Variants in RASGEF1C observed in about 807,000 individuals in gnomAD.
RASGEF1C encodes RasGEF domain family member 1C.
RASGEF1C carries 27 observed loss-of-function variants against 58.1 expected under a neutral mutation model. The ratio of observed to expected loss-of-function variants is 0.46; its 90% CI spans 0.34 to 0.64. RASGEF1C has a LOEUF of 0.64. Ranked by LOEUF, RASGEF1C falls within the 30% of genes least tolerant of loss-of-function variation. The pLI is 0.01. For missense variants in RASGEF1C, 502 were observed against 605.1 expected (o/e 0.83, Z 1.79); for synonymous variants, 243 against 246.3 (o/e 0.99, Z 0.13).
chr5:180,153,700 G>A (rs2113294699), intron 1 of RASGEF1C, among the ~76,000 whole-genome samples: 1 of 152,316 alleles, frequency 6.6e-6, no homozygotes, highest in African/African-American at 2.4e-5. Flanking sequence ...CTTGGAGTTT[G>A]CAGAAGTCAA....
chr5:180,186,310 G>A (rs1038360401), intron 1 of RASGEF1C, among the ~76,000 whole-genome samples: 3 of 151,984 alleles, frequency 2.0e-5, no homozygotes, highest in African/African-American at 7.3e-5. Flanking sequence ...AACTATTAGA[G>A]CTAAAAAACA....
chr5:180,207,147 T>G (rs1200103379), intron 1 of RASGEF1C, among the ~76,000 whole-genome samples: 1 of 152,238 alleles, frequency 6.6e-6, no homozygotes, highest in African/African-American at 2.4e-5. Context: ...GCACTCTGCC[T>G]GCACACCCGT....
chr5:180,181,545 AG>A (rs1485083844), intron 1 of RASGEF1C, among the ~76,000 whole-genome samples: 2 of 152,220 alleles, frequency 1.3e-5, no homozygotes, highest in Non-Finnish European at 2.9e-5. Flanking sequence ...GTGGGCACAC[AG>A]GAAGAGCACC....
chr5:180,169,184 T>C (rs1767064928), intron 1 of RASGEF1C, among the ~76,000 whole-genome samples: 2 of 152,220 alleles, frequency 1.3e-5, no homozygotes, highest in South Asian at 4.2e-4. Context: ...TTACGGGAAG[T>C]GATACTGATG....
chr5:180,207,225 T>C (rs976383398), intron 1 of RASGEF1C, among the ~76,000 whole-genome samples: 5 of 152,346 alleles, frequency 3.3e-5, no homozygotes, highest in Non-Finnish European at 7.3e-5. Flanking sequence ...TCTGAAACTC[T>C]TTCGGGGTGC....
At chr5:180,152,567 G>T (rs542034789) in intron 1 of RASGEF1C, among the ~76,000 whole-genome samples, 19 of 109,126 alleles carry the variant, frequency 1.7e-4, no homozygotes, top group Admixed American at 9.3e-4. Context: ...CTGTTGTGGG[G>T]TGGGGGGAGG....
chr5:180,172,572 C>T (rs752944869), intron 1 of RASGEF1C, among the ~76,000 whole-genome samples: 47 of 152,328 alleles, frequency 3.1e-4, no homozygotes, highest in Non-Finnish European at 5.3e-4. Context: ...AGCCTAGCCC[C>T]GGGTGTCTGC....
At chr5:180,153,341 T>G (rs1488744235) in intron 1 of RASGEF1C, among the ~76,000 whole-genome samples, 1 of 152,178 alleles carries the variant, frequency 6.6e-6, no homozygotes, top group South Asian at 2.1e-4. Flanking sequence ...CACAAACACA[T>G]GCACAGCCTG....
chr5:180,137,511 C>T lies in RASGEF1C; in HGVS notation c.300+79G>A. 1 of 1,546,300 alleles carries T rather than the reference C, an allele frequency of 6.5e-7. No homozygotes were observed. The highest frequency in any genetic ancestry group is 8.7e-7 in the Non-Finnish European group (1 of 1,145,402). On this transcript the variant is annotated intron_variant, in intron 3 of 13. Coordinates refer to ENST00000361132, the MANE Select transcript of RASGEF1C (RefSeq NM_175062.4). This position sits in a 1 kb window ranked among gnomAD's most constrained non-coding sequence, Gnocchi z 4.1. Reference sequence around the variant, plus strand: ...GAAAACGGGGACAATCATTGCCTCCCCGAGAGGCTGATGCGTTGAGGGCAT... The same window carrying T: ...GAAAACGGGGACAATCATTGCCTCCTCGAGAGGCTGATGCGTTGAGGGCAT...
Position 180,153,047 on chromosome 5 carries a change from C to G in RASGEF1C, c.-6-14989G>C, listed in dbSNP as rs1379806332. Among the ~76,000 whole-genome samples the G allele has an allele frequency of 2.0e-5, 3 of 152,070 alleles. No individual in the cohort carries two copies. In the East Asian group the frequency reaches 5.8e-4, roughly 29 times the overall value. On this transcript the variant is annotated intron_variant, in intron 1 of 13. Coordinates refer to ENST00000361132, the MANE Select transcript of RASGEF1C (RefSeq NM_175062.4). ...GAAATTGCAGTACCTTTATAAACGT[C>G]CCCATATGTTACTGCTTTTGAATGT... is the stretch of plus-strand genomic sequence containing the variant.
At chr5:180,135,048 C>A (rs558062212) in intron 4 of RASGEF1C, among the ~76,000 whole-genome samples, 4 of 143,292 alleles carry the variant, frequency 2.8e-5, no homozygotes, top group African/African-American at 7.8e-5. Context: ...TGTCCCCACC[C>A]CCCCCGTCCA....
chr5:180,196,949 C>A (rs1756289787), intron 1 of RASGEF1C, among the ~76,000 whole-genome samples: 1 of 152,198 alleles, frequency 6.6e-6, no homozygotes, highest in South Asian at 2.1e-4. Context: ...ACCAGGGTAA[C>A]AATATCCAAA....
chr5:180,128,355 AT>A (rs1766299532), intron 5 of RASGEF1C, 54 bp downstream of exon 5: 2 of 1,481,324 alleles, frequency 1.4e-6, no homozygotes, highest in South Asian at 2.3e-5. Context: ...GGCACAGTGT[AT>A]CTGTGTGTGT....
intron 1 of RASGEF1C, among the ~76,000 whole-genome samples, chr5:180,204,025 A>ACAG (rs1357885739): frequency 3.3e-5 from 5 of 151,282 alleles, no homozygotes; most frequent in African/African-American, 1.2e-4. Context: ...AACAACAACA[A>ACAG]CAACAAAGTG....
At chr5:180,207,268 C>T (rs1756505119) in intron 1 of RASGEF1C, among the ~76,000 whole-genome samples, 1 of 152,130 alleles carries the variant, frequency 6.6e-6, no homozygotes, top group Non-Finnish European at 1.5e-5. Context: ...GAAATATATT[C>T]ATGTTTGGGG....
At chr5:180,120,005 G>C (rs1307164311) in intron 7 of RASGEF1C, among the ~76,000 whole-genome samples, 2 of 152,298 alleles carry the variant, frequency 1.3e-5, no homozygotes, top group South Asian at 2.1e-4. Flanking sequence ...TGGCTCCCTG[G>C]GGGGCTCAGG....
intron 1 of RASGEF1C, among the ~76,000 whole-genome samples, chr5:180,173,979 C>T (rs963757480): frequency 3.3e-5 from 5 of 150,476 alleles, no homozygotes; most frequent in African/African-American, 4.9e-5. Context: ...GACATGGAGG[C>T]TCAGGGGTTG....
At chr5:180,145,825 G>T (rs1266952283) in intron 1 of RASGEF1C, among the ~76,000 whole-genome samples, 1 of 152,198 alleles carries the variant, frequency 6.6e-6, no homozygotes, top group East Asian at 1.9e-4. Context: ...CTGCTGCTGG[G>T]ACCTCTGCAG....
chr5:180,183,034 C>G (rs1257352557), intron 1 of RASGEF1C, among the ~76,000 whole-genome samples: 2 of 152,164 alleles, frequency 1.3e-5, no homozygotes, highest in Admixed American at 1.3e-4. Flanking sequence ...TTAAGTAAAG[C>G]CTGTAATCAG....
Sources: allele counts gnomAD v4.1 joint callset (sites outside exome capture counted in the v4.1 genomes callset), GRCh38; gene constraint gnomAD v4.1.1; non-coding constraint Gnocchi (gnomAD v3.1); transcripts MANE v1.5; gene names NCBI Gene and HGNC (gene_info 2026-07-23, HGNC 2026-07-21).